The following AP1AR variants were observed in gnomAD, a reference collection of about 807,000 sequenced individuals.
AP1AR encodes the protein AP-1 complex-associated regulatory protein.
A neutral mutation model predicts 46.3 loss-of-function variants in AP1AR; 29 were observed. The ratio of observed to expected loss-of-function variants is 0.63; its 90% CI spans 0.47 to 0.85. The LOEUF is 0.85. Ranked by LOEUF, AP1AR falls within the 40% of genes least tolerant of loss-of-function variation. The probability of loss-of-function intolerance (pLI) is 0.00; values close to 1 mark genes in which losing one functional copy is unlikely to be tolerated. For synonymous variants in AP1AR, 122 were observed against 122.9 expected (o/e 0.99, Z 0.05); for missense variants, 357 against 356.3 (o/e 1.00, Z -0.02).
intron 1 of AP1AR, among the ~76,000 whole-genome samples, chr4:112,235,207 T>C (rs922018785): frequency 1.3e-5 from 2 of 152,208 alleles, no homozygotes; most frequent in African/African-American, 4.8e-5. Flanking sequence ...CAGGGCTCCA[T>C]CTGCTGGTCA....
intron 3 of AP1AR, among the ~76,000 whole-genome samples, chr4:112,256,597 T>C (rs1726210242): frequency 6.6e-6 from 1 of 152,374 alleles, no homozygotes; most frequent in East Asian, 1.9e-4. Context: ...TAGTTGAATG[T>C]CATCCTGTTT....
At chr4:112,233,306 A>G (rs1473344724) in intron 1 of AP1AR, among the ~76,000 whole-genome samples, 1 of 152,252 alleles carries the variant, frequency 6.6e-6, no homozygotes, top group African/African-American at 2.4e-5. Context: ...CTAAGGTTTT[A>G]CACTAAGTAT....
chr4:112,259,657 A>T (rs895765220), intron 4 of AP1AR, among the ~76,000 whole-genome samples: 1 of 152,140 alleles, frequency 6.6e-6, no homozygotes, highest in African/African-American at 2.4e-5. Context: ...CTTCCTTCAC[A>T]TGGAAGAGAG....
chr4:112,271,478 G>A lies in AP1AR; in HGVS notation c.*3069G>A, dbSNP rs981816265. Among the ~76,000 whole-genome samples, 3 of 152,206 alleles carry A rather than the reference G, an allele frequency of 2.0e-5. No homozygotes were observed. Among genetic ancestry groups the A allele is most frequent in the Non-Finnish European group, 2.9e-5 (2 of 68,040 alleles). On this transcript the variant is annotated 3_prime_UTR_variant, in exon 10 of 10. Transcript: ENST00000274000. Reference sequence around the variant, plus strand: ...CATCCAGGGATGTCCCTAAGGACCAGGTATACAGGGAGCTGACTCCATCCT... The same window carrying A: ...CATCCAGGGATGTCCCTAAGGACCAAGTATACAGGGAGCTGACTCCATCCT...
intron 1 of AP1AR, among the ~76,000 whole-genome samples, chr4:112,232,505 C>A (rs541121610): frequency 9.8e-5 from 15 of 152,328 alleles, no homozygotes; most frequent in African/African-American, 3.4e-4. Context: ...TCCACGGCAA[C>A]CTGGACACAC....
Position 112,257,787 on chromosome 4 carries a change from A to G in AP1AR, c.175A>G (p.Ser59Gly). 1 of 1,567,132 alleles carries G rather than the reference A, an allele frequency of 6.4e-7. No individual in the cohort carries two copies. Among genetic ancestry groups the G allele is most frequent in the East Asian group, 2.3e-5 (1 of 43,126 alleles). ...TTTTGTACAGGGGGAGAGCCCAGGA[A>G]GCAGTCATAGGTAAGGCTTTGTTAA... ...VESDEGESPG[S>G]SHRPLTEEEI... The change falls in exon 4 of 10, where the codon AGC (serine) becomes GGC (glycine). Residue 59 changes from serine to glycine, a missense_variant. Physicochemically the swap from Ser to Gly is moderately conservative, Grantham distance 56. Transcript: ENST00000274000.
chr4:112,266,470 T>C (rs925148200), intron 8 of AP1AR, 118 bp from the exon 9 acceptor site: 34 of 1,007,758 alleles, frequency 3.4e-5, no homozygotes, highest in Non-Finnish European at 4.8e-5. Context: ...AATTATTTCT[T>C]ATGAAGCTAA....
rs747509654 is a variant in AP1AR at position 112,239,361 on chromosome 4, TCTCA to T, written c.83+7192_83+7195del. The stretch of plus-strand genomic sequence containing the variant: ...TCTTCTTGAGAAGTGTTTCCTCACT[TCTCA>T]CTCAGTCTTCAAAGTAACCTAATGT... On this transcript the variant is annotated intron_variant, in intron 1 of 9. Transcript: ENST00000274000. Among the ~76,000 whole-genome samples, 60 of 152,336 alleles carry T rather than the reference TCTCA, an allele frequency of 3.9e-4. 1 individual carries two copies. Among genetic ancestry groups the T allele is most frequent in the African/African-American group, 1.4e-3 (59 of 41,570 alleles).
Position 112,268,130 on chromosome 4 carries a change from T to G in AP1AR, c.644-14T>G. 6.6e-7 allele frequency: 1 copy of G among 1,512,030 alleles called. No individual in the cohort carries two copies. Among genetic ancestry groups the G allele is most frequent in the South Asian group, 1.4e-5 (1 of 73,734 alleles). The allele number at this position is 1,512,030 out of a possible 1,614,324, so 93.7% of individuals were successfully genotyped here. On this transcript the variant is annotated splice_polypyrimidine_tract_variant and intron_variant, in intron 9 of 9. Transcript: ENST00000274000. The stretch of plus-strand genomic sequence containing the variant: ...TCTGTTCTGAGATTTTTGAAAACTC[T>G]GTTCAAATCATAGGAATGAATAGAA...
In AP1AR at chr4:112,268,277, G is replaced by C; in HGVS notation, c.777G>C (p.Glu259Asp). 1 of 1,613,300 alleles carries C rather than the reference G, an allele frequency of 6.2e-7. No individual in the cohort carries two copies. Among genetic ancestry groups the C allele is most frequent in the South Asian group, 1.1e-5 (1 of 91,030 alleles). ...TSASDDSNGL[E>D]WENDFVSAEM... is the part of the protein sequence containing the mutation. ...CCTCTGATGATTCCAATGGGCTGGA[G>C]TGGGAAAATGATTTTGTTAGTGCCG... Residue 259 changes from glutamate (E) to aspartate (D), a missense_variant, in exon 10 of 10, where the codon GAG (glutamate) becomes GAC (aspartate). Glu to Asp is a conservative substitution (Grantham distance 45). Transcript: ENST00000274000.
intron 1 of AP1AR, among the ~76,000 whole-genome samples, chr4:112,234,992 G>C (rs1725180048): frequency 6.6e-6 from 1 of 152,044 alleles, no homozygotes; most frequent in South Asian, 2.1e-4. Flanking sequence ...TAAAATACTA[G>C]GGAATTCTAG....
At chr4:112,254,911 A>G in intron 3 of AP1AR, 138 bp downstream of exon 3, 1 of 443,270 alleles carries the variant, frequency 2.3e-6, no homozygotes, top group Non-Finnish European at 3.8e-6. Flanking sequence ...TTTACTTTTT[A>G]GTTCTTTATT....
chr4:112,263,651 C>T (rs1244832108), intron 6 of AP1AR, among the ~76,000 whole-genome samples: 5 of 151,982 alleles, frequency 3.3e-5, no homozygotes, highest in Non-Finnish European at 7.4e-5. Flanking sequence ...GCAGATTTAC[C>T]GTATCTTACC....
chr4:112,252,352 AC>A (rs1465775314), intron 1 of AP1AR, among the ~76,000 whole-genome samples: 6 of 152,216 alleles, frequency 3.9e-5, no homozygotes, highest in East Asian at 3.8e-4. Context: ...AACACTTAGT[AC>A]AAATTTGGAT....
At chr4:112,237,352 C>T (rs1382237381) in intron 1 of AP1AR, among the ~76,000 whole-genome samples, 5 of 152,168 alleles carry the variant, frequency 3.3e-5, no homozygotes, top group South Asian at 2.1e-4. Flanking sequence ...GTGATCCCCC[C>T]GTCTCGGCCT....
At chr4:112,245,940 T>C (rs1027753934) in intron 1 of AP1AR, among the ~76,000 whole-genome samples, 4 of 152,182 alleles carry the variant, frequency 2.6e-5, no homozygotes, top group African/African-American at 4.8e-5. Flanking sequence ...TCATTTTGCT[T>C]CCTATCTTTC....
At chr4:112,259,668 G>A (rs562729358) in intron 4 of AP1AR, among the ~76,000 whole-genome samples, 3 of 152,184 alleles carry the variant, frequency 2.0e-5, no homozygotes, top group South Asian at 2.1e-4. Flanking sequence ...TGGAAGAGAG[G>A]TGCAAACAGA....
At chr4:112,263,483 T>G (rs2110491512) in intron 6 of AP1AR, among the ~76,000 whole-genome samples, 1 of 151,748 alleles carries the variant, frequency 6.6e-6, no homozygotes, top group African/African-American at 2.4e-5. Context: ...TTTTTAACAG[T>G]TTTTTAAATT....
intron 1 of AP1AR, among the ~76,000 whole-genome samples, chr4:112,248,948 T>C (rs1425926243): frequency 2.0e-5 from 3 of 152,200 alleles, no homozygotes; most frequent in Non-Finnish European, 4.4e-5. Flanking sequence ...CTTGGGGTCT[T>C]TGTTCTGCCT....
Sources: allele counts gnomAD v4.1 joint callset (sites outside exome capture counted in the v4.1 genomes callset), GRCh38; gene constraint gnomAD v4.1.1; transcripts MANE v1.5; gene names NCBI Gene and HGNC (gene_info 2026-07-23, HGNC 2026-07-21).